Variants in ANO7 observed in about 807,000 individuals in gnomAD.
ANO7 encodes anoctamin-7.
A neutral mutation model predicts 115.8 loss-of-function variants in ANO7; 114 were observed. That is an observed-to-expected ratio of 0.98 (90% CI 0.85 to 1.15). ANO7 has a LOEUF of 1.15. Among genes scored for constraint, ANO7 ranks in the 50% most tolerant of loss-of-function variants. The pLI, the probability that ANO7 is intolerant of heterozygous loss-of-function variation, is 0.00. For missense variants in ANO7, 1,302 were observed against 1,201.2 expected (o/e 1.08, Z -1.24); for synonymous variants, 550 against 498.2 (o/e 1.10, Z -1.38).
chr2:241,236,161 G>A, the ANO7 span: 9 of 201,458 alleles, frequency 4.5e-5, no homozygotes, highest in Non-Finnish European at 9.1e-5. Flanking sequence ...CCACGGCAAC[G>A]TGAGAACTAT....
chr2:241,231,646 A>AGGCTGGC, the ANO7 span, among the ~76,000 whole-genome samples: 58 of 151,736 alleles, frequency 3.8e-4, no homozygotes, highest in Non-Finnish European at 1.5e-5. Flanking sequence ...TGGAGGCTGG[A>AGGCTGGC]GGCTGGCTGG....
intron 16 of ANO7, 65 bp downstream of exon 16, chr2:241,212,270 T>C: frequency 6.9e-7 from 1 of 1,454,132 alleles, no homozygotes; most frequent in Non-Finnish European, 9.7e-7. Flanking sequence ...TGTTTCCCGC[T>C]GCCTGGGTAC....
chr2:241,199,189 T>G (rs1246979991), intron 4 of ANO7, 127 bp from the exon 5 acceptor site: 1 of 838,638 alleles, frequency 1.2e-6, no homozygotes, highest in Non-Finnish European at 1.9e-6. Context: ...AAATAGGAGA[T>G]TCAAAGTCAG....
rs144537389 is a variant in ANO7, at chr2:241,209,348, G to A, written c.1141G>A (p.Val381Met). The A allele has an allele frequency of 7.6e-4, 1,203 of 1,578,618 alleles. 1 individual carries two copies. The highest frequency in any genetic ancestry group is 8.6e-4 in the Non-Finnish European group (995 of 1,162,732). The change falls in exon 12 of 25, where the codon GTG becomes ATG. Residue 381 changes from valine to methionine, a missense_variant. Transcript: ENST00000674324. Reference protein sequence around the residue: ...FFSLFMALWAVLLLEYWKRKS... With the variant: ...FFSLFMALWAMLLLEYWKRKS... ...CAGCTTGTTCATGGCACTGTGGGCC[G>A]TGCTGCTGCTGGAGTACTGGAAGCG...
chr2:241,213,212 G>T (rs574213104), intron 17 of ANO7, among the ~76,000 whole-genome samples: 1 of 145,730 alleles, frequency 6.9e-6, no homozygotes, highest in African/African-American at 2.8e-5. Flanking sequence ...CACACGGCCC[G>T]CAGGGGCTGG....
At chr2:241,216,023 C>T in intron 18 of ANO7, 70 bp from the exon 19 acceptor site, 3 of 1,528,364 alleles carry the variant, frequency 2.0e-6, no homozygotes, top group Non-Finnish European at 8.8e-7. Flanking sequence ...CCACATCTCC[C>T]CCAAGGACTA....
At position 241,223,712 on chromosome 2, in the gene ANO7, C is replaced by A; in HGVS notation, c.2463C>A (p.Ile821=). The A allele has an allele frequency of 1.9e-6, 3 of 1,614,154 alleles. No individual in the cohort carries two copies. The South Asian group carries it at 3.3e-5, about 18-fold the overall frequency. ...GRLLDLLVPD[I]PESVEIKVKR... is the part of the protein sequence containing the mutation. ...TCCTGGACCTCCTGGTGCCTGACAT[C>A]CCAGAGTCTGTGGAGATCAAAGTGA... Residue 821 remains isoleucine (I), a synonymous_variant, in exon 23 of 25, where the codon ATC becomes ATA. Coordinates refer to ENST00000674324, the MANE Select transcript of ANO7 (RefSeq NM_001370694.2).
intron 15 of ANO7, 139 bp downstream of exon 15, chr2:241,210,709 TCA>T: frequency 1.3e-6 from 1 of 766,858 alleles, no homozygotes; most frequent in Non-Finnish European, 2.1e-6. Flanking sequence ...AGACAGGATC[TCA>T]CTCTGTTGCC....
At chr2:241,191,735 C>T (rs1176702844) in intron 3 of ANO7, among the ~76,000 whole-genome samples, 5 of 150,898 alleles carry the variant, frequency 3.3e-5, no homozygotes, top group African/African-American at 7.3e-5. Context: ...CCCTCAGCAC[C>T]AGAGAGACCC....
chr2:241,231,159 CG>C, the ANO7 span: 2 of 490,548 alleles, frequency 4.1e-6, no homozygotes, highest in Non-Finnish European at 7.4e-6. Flanking sequence ...CCGAGGCAGG[CG>C]GATCACCTGA....
Position 241,210,444 on chromosome 2 carries a change from C to T in ANO7, c.1459-24C>T, listed in dbSNP as rs754902028. ...GGGCCCTGAGCGGCCCCTCATCCGG[C>T]TCTGACGGCCTGTCTCCCGTTAGGC... On this transcript the variant is annotated intron_variant, in intron 14 of 24. Coordinates refer to ENST00000674324, the MANE Select transcript of ANO7 (RefSeq NM_001370694.2). The T allele has an allele frequency of 2.3e-5, 37 of 1,613,762 alleles. 1 individual carries two copies. The Admixed American group carries it at 6.2e-4, about 27-fold the overall frequency.
chr2:241,202,143 T>A (rs1231703458), intron 7 of ANO7, 51 bp from the exon 8 acceptor site: 1 of 1,522,030 alleles, frequency 6.6e-7, no homozygotes, highest in Admixed American at 1.7e-5. Flanking sequence ...GACTTCCCTG[T>A]TCTGCTATCA....
At chr2:241,229,606 G>A (rs1229026680), downstream of ANO7, 3 of 1,612,738 alleles carry the variant, frequency 1.9e-6, no homozygotes, top group Admixed American at 1.7e-5. Flanking sequence ...GATCATTATC[G>A]TTTGGGGCCC....
intron 20 of ANO7, 35 bp from the exon 21 acceptor site, chr2:241,218,204 G>T (rs775007290): frequency 7.5e-7 from 1 of 1,331,896 alleles, no homozygotes; most frequent in East Asian, 3.5e-5. Flanking sequence ...GGGGCGGAGC[G>T]GGGGCCGCCT....
chr2:241,238,466 T>C, the ANO7 span: 1 of 467,996 alleles, frequency 2.1e-6, no homozygotes, highest in East Asian at 3.2e-5. The surrounding 1 kb of genome is among the most constrained non-coding windows in gnomAD (Gnocchi z 4.9). Flanking sequence ...ACTCTGTCAG[T>C]AACTGACGTG....
At chr2:241,233,963 C>A in the ANO7 span, 1 of 1,614,122 alleles carries the variant, frequency 6.2e-7, no homozygotes, top group Non-Finnish European at 8.5e-7. The surrounding 1 kb of genome is among the most constrained non-coding windows in gnomAD (Gnocchi z 4.3). Context: ...CTCCTTAAAG[C>A]CTACAAATGA....
In ANO7 at chr2:241,216,142, A is replaced by G. The variant is rs746481738; in HGVS notation, c.1876A>G (p.Lys626Glu). Reference protein sequence around the residue: ...QKFRLRSKKRKAGASAGASQG... With the variant: ...QKFRLRSKKREAGASAGASQG... ...GTTCCGGCTTCGCTCCAAGAAGAGG[A>G]AGGCGGGAGCTTCTGCAGGGGCTAG... Residue 626 changes from lysine (K) to glutamate (E), a missense_variant, in exon 19 of 25, where the codon AAG becomes GAG. Physicochemically the swap from Lys to Glu is moderately conservative, Grantham distance 56. Transcript: ENST00000674324. 4 of 1,613,224 alleles carry G rather than the reference A, an allele frequency of 2.5e-6. No homozygotes were observed. Among genetic ancestry groups the G allele is most frequent in the Non-Finnish European group, 2.5e-6 (3 of 1,179,870 alleles).
Position 241,203,431 on chromosome 2 carries a change from G to A in ANO7, c.822G>A (p.Lys274=), listed in dbSNP as rs757226573. Residue 274 remains lysine, a synonymous_variant, in exon 9 of 25, where the codon AAG becomes AAA. Transcript: ENST00000674324. This position sits in a 1 kb window ranked among gnomAD's most constrained non-coding sequence, Gnocchi z 4.8. ...GGGCGCGCTGGGGCAAGTGGAACAA[G>A]TACCAGCCCCTGGACCACGTGCGCA... ...QHWARWGKWN[K]YQPLDHVRRY... is the part of the protein sequence containing the mutation. 373 of 1,594,850 alleles carry A rather than the reference G, an allele frequency of 2.3e-4. No homozygotes were observed. The highest frequency in any genetic ancestry group is 3.8e-4 in the Admixed American group (22 of 58,342).
the ANO7 span, among the ~76,000 whole-genome samples, chr2:241,237,185 C>T: frequency 6.6e-6 from 1 of 152,112 alleles, no homozygotes; most frequent in African/African-American, 2.4e-5. Context: ...TCAGGGAAGG[C>T]GGCCAGCACG....
Sources: allele counts gnomAD v4.1 joint callset (sites outside exome capture counted in the v4.1 genomes callset), GRCh38; gene constraint gnomAD v4.1.1; non-coding constraint Gnocchi (gnomAD v3.1); transcripts MANE v1.5; gene names NCBI Gene and HGNC (gene_info 2026-07-23, HGNC 2026-07-21).